The following RGS3 variants were observed in gnomAD, a reference collection of about 807,000 sequenced individuals.
RGS3 encodes regulator of G protein signaling 3.
In RGS3, 80 loss-of-function variants were observed where a neutral mutation model predicts 132.6. The ratio of observed to expected loss-of-function variants is 0.60; its 90% CI spans 0.50 to 0.73. The LOEUF (loss-of-function observed/expected upper bound fraction) is 0.73. RGS3 is among the 30% of genes least tolerant of loss of function. The probability of loss-of-function intolerance (pLI) is 0.00; values close to 1 mark genes in which losing one functional copy is unlikely to be tolerated. For missense variants in RGS3, 1,382 were observed against 1,530.8 expected, an observed-to-expected ratio of 0.90 and a Z score of 1.62; for synonymous variants, 598 against 620.6, an observed-to-expected ratio of 0.96 and a Z score of 0.54.
chr9:113,592,497 CTT>C (rs56150915), intron 21 of RGS3: 3 of 147,096 alleles, frequency 2.0e-5, no homozygotes, highest in East Asian at 2.0e-4. Context: ...GAAGCCCACA[CTT>C]TTTTTTTTTG....
chr9:113,454,928 A>G (rs1473265223), intron 1 of RGS3, among the ~76,000 whole-genome samples: 1 of 152,128 alleles, frequency 6.6e-6, no homozygotes, highest in Non-Finnish European at 1.5e-5. Flanking sequence ...CCTCAAACCC[A>G]TGAGCTCATT....
chr9:113,561,965 G>GC (rs1410104750), intron 19 of RGS3, among the ~76,000 whole-genome samples: 1 of 152,212 alleles, frequency 6.6e-6, no homozygotes, highest in Non-Finnish European at 1.5e-5. Context: ...GGGAGCTGCT[G>GC]CCAACCTGTC....
intron 19 of RGS3, among the ~76,000 whole-genome samples, chr9:113,571,560 T>C (rs1199173072): frequency 6.6e-6 from 1 of 151,984 alleles, no homozygotes; most frequent in African/African-American, 2.4e-5. Flanking sequence ...CATTTTCCTA[T>C]TGGATTTTTT....
rs890540756 is a variant in RGS3, at chr9:113,517,481, C to T, written c.1675-60C>T. The T allele has an allele frequency of 3.0e-4, 410 of 1,374,498 alleles. 3 individuals carry two copies. Among genetic ancestry groups the T allele is most frequent in the Middle Eastern group, 1.5e-3 (6 of 4,120 alleles). The allele number at this position is 1,374,498 out of a possible 1,614,324, so 85.1% of individuals were successfully genotyped here. Reference sequence around the variant, plus strand: ...TGGCTTTGACAAGCTGCTGCTTCCTCCCCCCGGGTCCTCACCCAGCCTCTT... The same window carrying T: ...TGGCTTTGACAAGCTGCTGCTTCCTTCCCCCGGGTCCTCACCCAGCCTCTT... On this transcript the variant is annotated intron_variant, in intron 15 of 24. Coordinates refer to ENST00000350696, the Ensembl canonical transcript of RGS3.
At chr9:113,561,797 G>A (rs1833802299) in intron 19 of RGS3, among the ~76,000 whole-genome samples, 1 of 152,060 alleles carries the variant, frequency 6.6e-6, no homozygotes, top group African/African-American at 2.4e-5. Flanking sequence ...ACTGTGGTGT[G>A]GGCTGTAGGG....
In RGS3 at chr9:113,565,439, G is replaced by C. The variant is rs897114018; in HGVS notation, c.2038-18011G>C. 8.1e-7 allele frequency: 1 copy of C among 1,228,598 alleles called. No individual in the cohort carries two copies. The highest frequency in any genetic ancestry group is 2.3e-5 in the Admixed American group (1 of 43,036). The allele number at this position is 1,228,598 out of a possible 1,614,324, so 76.1% of individuals were successfully genotyped here. On this transcript the variant is annotated intron_variant, in intron 19 of 24. Coordinates refer to ENST00000350696, the Ensembl canonical transcript of RGS3. This position sits in a 1 kb window ranked among gnomAD's most constrained non-coding sequence, Gnocchi z 5.7. ...GAGGAGGAGGAAGAGGAGGAGGGAC[G>C]GGTGATGCAAGGGTTTTGAAAGCGC... is the stretch of plus-strand genomic sequence containing the variant.
chr9:113,589,573 CCGATAAAGTA>C (rs1835305985), intron 20 of RGS3, among the ~76,000 whole-genome samples: 1 of 152,176 alleles, frequency 6.6e-6, no homozygotes, highest in African/African-American at 2.4e-5. Context: ...TTGTGTGGAG[CCGATAAAGTA>C]CGGAAGCTGA....
chr9:113,559,472 G>A (rs1036516328), intron 19 of RGS3, among the ~76,000 whole-genome samples: 4 of 152,228 alleles, frequency 2.6e-5, no homozygotes, highest in Admixed American at 2.0e-4. Context: ...GGCTAGCTCT[G>A]TAGGGGGACA....
intron 4 of RGS3, among the ~76,000 whole-genome samples, chr9:113,482,530 A>C (rs1237575345): frequency 6.6e-6 from 1 of 152,110 alleles, no homozygotes; most frequent in East Asian, 1.9e-4. Context: ...GGCTCACGGC[A>C]CACCGTGAGT....
intron 21 of RGS3, chr9:113,592,164 C>T (rs926829970): frequency 1.3e-5 from 2 of 152,394 alleles, no homozygotes; most frequent in African/African-American, 4.8e-5. Context: ...GTGGGGTCCA[C>T]TACCCTAGAA....
chr9:113,548,627 G>A (rs1833210032), intron 19 of RGS3, among the ~76,000 whole-genome samples: 1 of 152,198 alleles, frequency 6.6e-6, no homozygotes, highest in East Asian at 1.9e-4. Context: ...GAAGTCCCAT[G>A]GAGTCACATA....
chr9:113,499,839 C>T (rs1217357723), intron 10 of RGS3, among the ~76,000 whole-genome samples: 1 of 152,232 alleles, frequency 6.6e-6, no homozygotes, highest in African/African-American at 2.4e-5. Flanking sequence ...ATGTGTCTAG[C>T]TGCGACTGGG....
chr9:113,449,462 ATG>A (rs2119138709), intron 1 of RGS3, among the ~76,000 whole-genome samples: 1 of 152,322 alleles, frequency 6.6e-6, no homozygotes, highest in East Asian at 1.9e-4. Flanking sequence ...AATTCCGTCA[ATG>A]TGTGGGGTTA....
intron 19 of RGS3, among the ~76,000 whole-genome samples, chr9:113,553,034 A>G (rs1049247650): frequency 6.6e-6 from 1 of 152,176 alleles, no homozygotes; most frequent in African/African-American, 2.4e-5. Flanking sequence ...AATAATTACT[A>G]ATATATGTTT....
intron 21 of RGS3, chr9:113,594,091 C>G: frequency 1.9e-6 from 3 of 1,613,070 alleles, no homozygotes; most frequent in Non-Finnish European, 2.5e-6. Flanking sequence ...CTGGCTCCTC[C>G]TGTCTGAGTC....
Position 113,463,994 on chromosome 9 carries a change from A to G in RGS3, c.415+1793A>G. On this transcript the variant is annotated intron_variant, in intron 3 of 24. Transcript: ENST00000350696. The surrounding 1 kb of genome is among the most constrained non-coding windows in gnomAD (Gnocchi z 4.6). ...CTGGGAGCAGGTGCTCTTTCTATCT[A>G]GGGGCACCTTCTCTGGCCCCTTTCT... 1 of 1,093,422 alleles carries G rather than the reference A, an allele frequency of 9.1e-7. No individual in the cohort carries two copies. Among genetic ancestry groups the G allele is most frequent in the Non-Finnish European group, 1.3e-6 (1 of 757,184 alleles). The allele number at this position is 1,093,422 out of a possible 1,614,324, so 67.7% of individuals were successfully genotyped here.
intron 5 of RGS3, among the ~76,000 whole-genome samples, chr9:113,483,681 C>T (rs1428576971): frequency 6.6e-6 from 1 of 152,234 alleles, no homozygotes; most frequent in African/African-American, 2.4e-5. Flanking sequence ...TCAGAAGCCC[C>T]TGCTGGCAAG....
intron 19 of RGS3, among the ~76,000 whole-genome samples, chr9:113,566,225 C>T (rs937018170): frequency 2.6e-5 from 4 of 152,252 alleles, no homozygotes; most frequent in East Asian, 1.9e-4. Context: ...GTCCCTGAGA[C>T]GGCCTCTGCT....
chr9:113,455,698 A>T (rs145584802), upstream of RGS3, among the ~76,000 whole-genome samples: 2 of 152,316 alleles, frequency 1.3e-5, no homozygotes, highest in African/African-American at 4.8e-5. Flanking sequence ...CCTCAGTGGT[A>T]TTTACAGCAA....
Sources: allele counts gnomAD v4.1 joint callset (sites outside exome capture counted in the v4.1 genomes callset), GRCh38; gene constraint gnomAD v4.1.1; non-coding constraint Gnocchi (gnomAD v3.1); transcripts MANE v1.5; gene names NCBI Gene and HGNC (gene_info 2026-07-23, HGNC 2026-07-21).